The following ANKRD11 variants were observed in gnomAD, a reference collection of about 807,000 sequenced individuals.
The protein encoded by ANKRD11 is ankyrin repeat domain-containing protein 11.
Under a neutral mutation model 195.7 loss-of-function variants are expected in ANKRD11, and 17 were observed. That is an observed-to-expected ratio of 0.09 (90% confidence interval 0.06 to 0.13). The LOEUF (loss-of-function observed/expected upper bound fraction) is 0.13. Ranked by LOEUF, ANKRD11 falls within the 10% of genes least tolerant of loss-of-function variation. The pLI, the probability that ANKRD11 is intolerant of heterozygous loss-of-function variation, is 1.00. For missense variants in ANKRD11, 3,735 were observed against 3,566.1 expected (o/e 1.05, Z -1.21); for synonymous variants, 1,953 against 1,528.1 (o/e 1.28, Z -6.49).
rs1064795497 is a variant in ANKRD11, at chr16:89,279,188, G to C, written c.7354C>G (p.Arg2452Gly). The change falls in exon 9 of 13, where the codon CGC (arginine) becomes GGC (glycine). Residue 2452 changes from arginine (R) to glycine (G), a missense_variant. By Grantham distance (125) the Arg-to-Gly change is moderately radical. Coordinates refer to ENST00000301030, the MANE Select transcript of ANKRD11 (RefSeq NM_013275.6). The surrounding 1 kb of genome is among the most constrained non-coding windows in gnomAD (Gnocchi z 5.6). Reference sequence around the variant, plus strand: ...GGCGTGATACAGCACAGGATCTTGCGCTTCTCCTCGATCTTCTTCCTGATC... The same window carrying C: ...GGCGTGATACAGCACAGGATCTTGCCCTTCTCCTCGATCTTCTTCCTGATC... ...LQIRKKIEEK[R>G]KILCCITPQA... 6.2e-7 allele frequency: 1 copy of C among 1,612,620 alleles called. No individual in the cohort carries two copies. Among genetic ancestry groups the C allele is most frequent in the Non-Finnish European group, 8.5e-7 (1 of 1,179,880 alleles).
rs142437222 is a variant in ANKRD11, at chr16:89,377,014, G to A, written c.-60+41270C>T. On this transcript the variant is annotated intron_variant, in intron 2 of 12. Coordinates refer to ENST00000301030, the MANE Select transcript of ANKRD11 (RefSeq NM_013275.6). The stretch of plus-strand genomic sequence containing the variant: ...AAGGCTGGAAAGAACCCCTTTTTCC[G>A]GACTGCTTCCATTGATGCTTTGTCC... 1.9e-3 allele frequency among the ~76,000 whole-genome samples: 282 copies of A among 152,248 alleles called. 2 individuals carry two copies. Among genetic ancestry groups the A allele is most frequent in the Middle Eastern group, 6.8e-3 (2 of 294 alleles).
intron 2 of ANKRD11, among the ~76,000 whole-genome samples, chr16:89,356,491 G>A (rs2039477999): frequency 6.6e-6 from 1 of 151,992 alleles, no homozygotes; most frequent in Non-Finnish European, 1.5e-5. Flanking sequence ...ATGTAACAGG[G>A]CCAGGCGCGG....
intron 1 of ANKRD11, among the ~76,000 whole-genome samples, chr16:89,481,515 C>G (rs1180760712): frequency 6.6e-6 from 1 of 152,184 alleles, no homozygotes; most frequent in East Asian, 1.9e-4. Flanking sequence ...TATGGTCACG[C>G]CACTGCACTC....
chr16:89,427,520 G>A (rs988847927), intron 1 of ANKRD11, among the ~76,000 whole-genome samples: 3 of 152,212 alleles, frequency 2.0e-5, no homozygotes, highest in East Asian at 1.9e-4. Context: ...TCTAGGGGCC[G>A]GGGTGGTGGC....
At chr16:89,433,766 C>T (rs866085585) in intron 1 of ANKRD11, among the ~76,000 whole-genome samples, 1 of 151,728 alleles carries the variant, frequency 6.6e-6, no homozygotes, top group East Asian at 2.0e-4. Flanking sequence ...GGGCACGCCA[C>T]CTTCACGAGA....
At chr16:89,338,825 G>A (rs1164341869) in intron 2 of ANKRD11, among the ~76,000 whole-genome samples, 1 of 151,378 alleles carries the variant, frequency 6.6e-6, no homozygotes, top group African/African-American at 2.4e-5. Context: ...AAATCAGCCA[G>A]GCAAAACAAT....
intron 1 of ANKRD11, among the ~76,000 whole-genome samples, chr16:89,427,220 C>G (rs2042752256): frequency 6.6e-6 from 1 of 152,196 alleles, no homozygotes; most frequent in Non-Finnish European, 1.5e-5. Context: ...AAGTGTAAAA[C>G]TTGCACCCTG....
intron 2 of ANKRD11, among the ~76,000 whole-genome samples, chr16:89,407,670 CACACACACACACACATAG>C (rs2041961086): frequency 1.3e-5 from 2 of 151,396 alleles, no homozygotes; most frequent in Non-Finnish European, 2.9e-5. Context: ...AACACACATA[CACACACACACACACATAG>C]ACACACACAG....
intron 2 of ANKRD11, among the ~76,000 whole-genome samples, chr16:89,321,558 C>T (rs143281271): frequency 4.6e-5 from 7 of 152,104 alleles, no homozygotes; most frequent in East Asian, 1.9e-4. Flanking sequence ...CCAGGGAGTC[C>T]GTGGACCATG....
chr16:89,373,855 G>C (rs1413142241), intron 2 of ANKRD11, among the ~76,000 whole-genome samples: 1 of 152,238 alleles, frequency 6.6e-6, no homozygotes, highest in Non-Finnish European at 1.5e-5. Flanking sequence ...CTTTTAGTTA[G>C]AGCTGCTATT....
intron 1 of ANKRD11, among the ~76,000 whole-genome samples, chr16:89,460,755 A>G (rs959965754): frequency 5.9e-5 from 9 of 152,120 alleles, no homozygotes; most frequent in African/African-American, 2.2e-4. Context: ...GTAAACAAAA[A>G]TTGAATTTGA....
chr16:89,381,744 T>C (rs1223290218), intron 2 of ANKRD11, among the ~76,000 whole-genome samples: 2 of 152,158 alleles, frequency 1.3e-5, no homozygotes, highest in Non-Finnish European at 2.9e-5. Context: ...TGTCAGCATA[T>C]ACACCCCTCC....
chr16:89,398,014 C>CA lies in ANKRD11; in HGVS notation c.-60+20269dup, dbSNP rs529331109. Among the ~76,000 whole-genome samples, 67 of 152,358 alleles carry CA rather than the reference C, an allele frequency of 4.4e-4. 2 individuals are homozygous for CA. The South Asian group carries it at 0.013, about 31-fold the overall frequency. On this transcript the variant is annotated intron_variant, in intron 2 of 12. Coordinates refer to ENST00000301030, the MANE Select transcript of ANKRD11 (RefSeq NM_013275.6). ...ACCACAAAGCGCCTGTCACCAGTGA[C>CA]AATGTAGCACTGTCTATGTGAATAA... is the stretch of plus-strand genomic sequence containing the variant.
At chr16:89,474,460 TAAA>T (rs764794916) in intron 1 of ANKRD11, among the ~76,000 whole-genome samples, 1 of 142,908 alleles carries the variant, frequency 7.0e-6, no homozygotes. Flanking sequence ...CTACCTTATG[TAAA>T]AAAAAAAAAA....
intron 2 of ANKRD11, among the ~76,000 whole-genome samples, chr16:89,379,224 G>A (rs536290704): frequency 5.3e-5 from 8 of 152,376 alleles, no homozygotes; most frequent in Non-Finnish European, 1.0e-4. Flanking sequence ...CACACCGTCT[G>A]TATGTGCGTC....
chr16:89,303,731 G>A (rs1370423059), intron 4 of ANKRD11, among the ~76,000 whole-genome samples: 1 of 152,252 alleles, frequency 6.6e-6, no homozygotes, highest in Admixed American at 6.5e-5. Context: ...ACATAGGACA[G>A]GAGGGGCCAC....
intron 4 of ANKRD11, chr16:89,300,518 C>A: frequency 4.2e-6 from 1 of 238,562 alleles, no homozygotes; most frequent in South Asian, 6.6e-5. Flanking sequence ...TCCACTGCAG[C>A]TGAGCGGGTG....
chr16:89,446,281 G>C (rs553988168), intron 1 of ANKRD11, among the ~76,000 whole-genome samples: 1 of 152,214 alleles, frequency 6.6e-6, no homozygotes, highest in South Asian at 2.1e-4. Context: ...TTCTCCTAAA[G>C]CTTCTGTGAC....
At chr16:89,418,242 T>G (rs1488765709) in intron 2 of ANKRD11, 42 bp downstream of exon 2, 1 of 450,218 alleles carries the variant, frequency 2.2e-6, no homozygotes, top group Admixed American at 2.4e-5. Flanking sequence ...TACAAATCAA[T>G]GACAAAAACA....
Sources: gnomAD v4.1 joint callset for allele counts (sites outside exome capture counted in the v4.1 genomes callset) on GRCh38, gnomAD v4.1.1 for gene constraint, Gnocchi (gnomAD v3.1) non-coding constraint, MANE v1.5 for transcripts, NCBI Gene and HGNC (gene_info 2026-07-23, HGNC 2026-07-21) for gene names.